DLC1: variants seen among roughly 807,000 people sequenced by gnomAD.
The protein encoded by DLC1 is rho GTPase-activating protein 7.
DLC1 carries 54 observed loss-of-function variants against 140.3 expected under a neutral mutation model. The ratio of observed to expected loss-of-function variants is 0.38; its 90% CI spans 0.31 to 0.48. The LOEUF (loss-of-function observed/expected upper bound fraction) is 0.48, where lower values mean the gene tolerates loss of function less well. DLC1 is among the 20% of genes least tolerant of loss of function. The pLI, the probability that DLC1 is intolerant of heterozygous loss-of-function variation, is 0.96. For synonymous variants in DLC1, 986 were observed against 728.1 expected (o/e 1.35, Z -5.70); for missense variants, 2,536 against 1,907.0 (o/e 1.33, Z -6.14).
chr8:13,166,587 C>T (rs1825121939), intron 5 of DLC1, among the ~76,000 whole-genome samples: 1 of 152,194 alleles, frequency 6.6e-6, no homozygotes, highest in African/African-American at 2.4e-5. Flanking sequence ...CCCGCTGTGG[C>T]CTCCCAAAGT....
chr8:13,382,438 G>A (rs528860786), intron 4 of DLC1, among the ~76,000 whole-genome samples: 28 of 145,586 alleles, frequency 1.9e-4, no homozygotes, highest in South Asian at 8.7e-4. Context: ...ACCCCAGGGG[G>A]CGGAGCCTGC....
intron 4 of DLC1, among the ~76,000 whole-genome samples, chr8:13,324,547 TG>T (rs1295564732): frequency 5.2e-5 from 6 of 115,750 alleles, no homozygotes; most frequent in African/African-American, 2.0e-4. Context: ...CCATCCAGCC[TG>T]GGCAAAAGAG....
At chr8:13,588,504 A>G (rs1254382635) in intron 1 of DLC1, among the ~76,000 whole-genome samples, 1 of 152,152 alleles carries the variant, frequency 6.6e-6, no homozygotes, top group East Asian at 1.9e-4. Context: ...AACACTGAAT[A>G]TAAATGAATT....
At chr8:13,452,222 A>G (rs1799097976) in intron 2 of DLC1, among the ~76,000 whole-genome samples, 2 of 151,440 alleles carry the variant, frequency 1.3e-5, no homozygotes, top group South Asian at 4.1e-4. Flanking sequence ...TATCTTTATG[A>G]ATATGCATTA....
At chr8:13,417,828 C>T (rs1475924648) in intron 2 of DLC1, among the ~76,000 whole-genome samples, 1 of 152,074 alleles carries the variant, frequency 6.6e-6, no homozygotes, top group African/African-American at 2.4e-5. Context: ...GTCCCACCAA[C>T]AGTGTAAAAG....
intron 1 of DLC1, among the ~76,000 whole-genome samples, chr8:13,514,123 C>G (rs1802494845): frequency 6.6e-6 from 1 of 151,482 alleles, no homozygotes. Context: ...ATAAGAAATT[C>G]AATCTTCGTA....
At chr8:13,433,992 A>C (rs889202890) in intron 2 of DLC1, among the ~76,000 whole-genome samples, 5 of 152,140 alleles carry the variant, frequency 3.3e-5, no homozygotes, top group Admixed American at 6.5e-5. Flanking sequence ...AGCAGCTGCG[A>C]TTACAGGCCT....
At chr8:13,106,189 C>T (rs2128942718) in intron 7 of DLC1, among the ~76,000 whole-genome samples, 1 of 152,178 alleles carries the variant, frequency 6.6e-6, no homozygotes, top group South Asian at 2.1e-4. Flanking sequence ...GGACCTGGGC[C>T]CCATTGTATT....
intron 4 of DLC1, among the ~76,000 whole-genome samples, chr8:13,312,379 A>T (rs1832707420): frequency 8.4e-6 from 1 of 118,478 alleles, no homozygotes. Context: ...AAAAAAAAAA[A>T]AAAAAAAAAT....
At chr8:13,321,870 G>A (rs58576863) in intron 4 of DLC1, among the ~76,000 whole-genome samples, 13,642 of 152,142 alleles carry the variant, frequency 0.09, 664 homozygotes, top group African/African-American at 0.1. Context: ...CTACGTGTCT[G>A]TTATTGGAAT....
chr8:13,086,448 A>G lies in DLC1; in HGVS notation c.4308T>C (p.Asn1436=). 4 of 1,614,084 alleles carry G rather than the reference A, an allele frequency of 2.5e-6. No homozygotes were observed. Among genetic ancestry groups the G allele is most frequent in the Non-Finnish European group, 2.5e-6 (3 of 1,180,012 alleles). The stretch of plus-strand genomic sequence containing the variant: ...AAAGGGCACAGGCTCCTTTGGGTAA[A>G]TTAGTCCTCCAGGTTCTGTAGAGAC... The part of the protein sequence containing the change: ...DYVVLRTWRT[N]LPKGACALLL... Residue 1436 remains asparagine (N), a synonymous_variant, in exon 17 of 18, where the codon AAT becomes AAC. Coordinates refer to ENST00000276297, the MANE Select transcript of DLC1 (RefSeq NM_182643.3).
intron 1 of DLC1, among the ~76,000 whole-genome samples, chr8:13,533,138 T>C (rs1374661984): frequency 6.6e-6 from 1 of 151,946 alleles, no homozygotes; most frequent in African/African-American, 2.4e-5. Flanking sequence ...AAAACCACCA[T>C]GAAGTAAAAC....
intron 2 of DLC1, among the ~76,000 whole-genome samples, chr8:13,449,078 A>C (rs1315043734): frequency 6.6e-6 from 1 of 152,218 alleles, no homozygotes; most frequent in Non-Finnish European, 1.5e-5. Context: ...ATACCTTACA[A>C]GCCACAATCA....
intron 2 of DLC1, among the ~76,000 whole-genome samples, chr8:13,496,455 T>C (rs1801506608): frequency 2.6e-5 from 4 of 152,172 alleles, no homozygotes; most frequent in Admixed American, 2.6e-4. Flanking sequence ...CCCCTCCTGT[T>C]CTTTTAATTC....
chr8:13,594,227 T>C (rs1393564685), intron 1 of DLC1, among the ~76,000 whole-genome samples: 1 of 152,080 alleles, frequency 6.6e-6, no homozygotes, highest in Non-Finnish European at 1.5e-5. Context: ...TAAACAAATA[T>C]AAGACTGTCT....
intron 1 of DLC1, among the ~76,000 whole-genome samples, chr8:13,602,120 C>A (rs1289491857): frequency 6.6e-6 from 1 of 151,620 alleles, no homozygotes; most frequent in East Asian, 1.9e-4. Context: ...TAGCAGTTTA[C>A]AAAAACAGGG....
intron 2 of DLC1, among the ~76,000 whole-genome samples, chr8:13,477,534 T>A (rs1236748804): frequency 1.3e-5 from 2 of 152,224 alleles, no homozygotes; most frequent in Non-Finnish European, 2.9e-5. Context: ...GATCTACATT[T>A]GATAAAAAAC....
intron 5 of DLC1, among the ~76,000 whole-genome samples, chr8:13,127,925 T>A (rs1437715631): frequency 6.6e-6 from 1 of 152,166 alleles, no homozygotes; most frequent in African/African-American, 2.4e-5. Flanking sequence ...CAGCCTTCAA[T>A]GAGCTTTTGA....
intron 1 of DLC1, among the ~76,000 whole-genome samples, chr8:13,546,974 A>T (rs1477349728): frequency 6.6e-6 from 1 of 152,144 alleles, no homozygotes; most frequent in Non-Finnish European, 1.5e-5. Context: ...TATAAAAAAC[A>T]TAGACTTAGT....
Sources: gnomAD v4.1 joint callset for allele counts (sites outside exome capture counted in the v4.1 genomes callset) on GRCh38, gnomAD v4.1.1 for gene constraint, MANE v1.5 for transcripts, NCBI Gene and HGNC (gene_info 2026-07-23, HGNC 2026-07-21) for gene names.